CACNA1B: variants seen among roughly 807,000 people sequenced by gnomAD.
CACNA1B encodes the protein voltage-dependent N-type calcium channel subunit alpha-1B.
CACNA1B carries 70 observed loss-of-function variants against 247.2 expected under a neutral mutation model. The observed-to-expected ratio is 0.28, with a 90% confidence interval of 0.23 to 0.35. The LOEUF (loss-of-function observed/expected upper bound fraction) is 0.35. Among genes scored for constraint, CACNA1B ranks in the 10% least tolerant of loss-of-function variants. The pLI is 1.00. For synonymous variants in CACNA1B, 1,231 were observed against 1,294.4 expected (o/e 0.95, Z 1.05); for missense variants, 2,367 against 3,197.4 (o/e 0.74, Z 6.26).
rs1395556596 is a variant in CACNA1B at position 137,971,739 on chromosome 9, C to T, written c.1543+147C>T. On this transcript the variant is annotated intron_variant, in intron 11 of 46. Transcript: ENST00000371372. This position sits in a 1 kb window ranked among gnomAD's most constrained non-coding sequence, Gnocchi z 4.4. ...GTATCCCACAGCCCTAGTCAGCCTC[C>T]AGGAGCCTCTGTGGGGGCCTGGGGT... is the stretch of plus-strand genomic sequence containing the variant. The T allele has an allele frequency of 1.5e-6, 1 of 687,146 alleles. No individual in the cohort carries two copies. Among genetic ancestry groups the T allele is most frequent in the Non-Finnish European group, 2.5e-6 (1 of 407,352 alleles). 42.6% of individuals were successfully genotyped at this position (687,146 alleles called of 1,614,324 possible). A position where few individuals can be genotyped will look rare whatever the true frequency, so the allele number is the denominator to read the frequency against.
chr9:138,056,882 ATCT>A lies in CACNA1B; in HGVS notation c.3969-845_3969-843del, dbSNP rs546792083. Among the ~76,000 whole-genome samples, 230 of 140,956 alleles carry A rather than the reference ATCT, an allele frequency of 1.6e-3. 3 individuals are homozygous for A. Among genetic ancestry groups the A allele is most frequent in the African/African-American group, 5.9e-3 (218 of 37,062 alleles). The allele number at this position is 140,956 out of a possible 152,430, so 92.5% of individuals were successfully genotyped here. A position where few individuals can be genotyped will look rare whatever the true frequency, so the allele number is the denominator to read the frequency against. Reference sequence around the variant, plus strand: ...TCATGTGCTTAATAGCCATTTGTATATCTTCTTTGGAGGAGTGTCTATTCAGAT... The same window carrying A: ...TCATGTGCTTAATAGCCATTTGTATATCTTTGGAGGAGTGTCTATTCAGAT... On this transcript the variant is annotated intron_variant, in intron 26 of 46. Coordinates refer to ENST00000371372, the MANE Select transcript of CACNA1B (RefSeq NM_000718.4).
chr9:138,069,037 G>A (rs935465249), intron 31 of CACNA1B, among the ~76,000 whole-genome samples: 1 of 152,230 alleles, frequency 6.6e-6, no homozygotes, highest in Admixed American at 6.5e-5. Context: ...CAGGTTGGGG[G>A]CCTGAGAGCT....
intron 23 of CACNA1B, among the ~76,000 whole-genome samples, chr9:138,047,721 A>G (rs945725030): frequency 6.6e-6 from 1 of 152,228 alleles, no homozygotes; most frequent in African/African-American, 2.4e-5. Flanking sequence ...TCTTGAACAC[A>G]TGAGCTACAT....
intron 20 of CACNA1B, among the ~76,000 whole-genome samples, chr9:138,028,023 CT>C (rs541594878): frequency 9.9e-3 from 976 of 98,738 alleles, no homozygotes; most frequent in Non-Finnish European, 0.014. Flanking sequence ...CCCCCCCAAC[CT>C]TTTTTTTTTT....
chr9:138,048,541 G>A (rs998086902), intron 23 of CACNA1B, among the ~76,000 whole-genome samples: 4 of 152,182 alleles, frequency 2.6e-5, no homozygotes, highest in East Asian at 1.9e-4. Flanking sequence ...GACCTGGGCC[G>A]TGTCTCCCTA....
intron 20 of CACNA1B, among the ~76,000 whole-genome samples, chr9:138,036,782 G>A (rs1290268412): frequency 1.3e-5 from 2 of 152,168 alleles, no homozygotes; most frequent in Non-Finnish European, 2.9e-5. Context: ...TTTTGCCAAT[G>A]TTGTTTCACT....
rs79383031 is a variant in CACNA1B, at chr9:138,099,174, G to A, written c.5222+2563G>A. ...GCATGTACATGGCTGTGTTGTGTGC[G>A]TGTTTGCACAGTGTGACCACATGTG... On this transcript the variant is annotated intron_variant, in intron 37 of 46. Coordinates refer to ENST00000371372, the MANE Select transcript of CACNA1B (RefSeq NM_000718.4). 2.7e-3 allele frequency among the ~76,000 whole-genome samples: 415 copies of A among 152,338 alleles called. 5 individuals carry two copies. The East Asian group carries it at 0.038, about 14-fold the overall frequency.
Position 137,928,407 on chromosome 9 carries a change from C to G in CACNA1B, c.966+10976C>G, listed in dbSNP as rs141201658. Among the ~76,000 whole-genome samples, 874 of 152,214 alleles carry G rather than the reference C, an allele frequency of 5.7e-3. 13 individuals carry two copies. The highest frequency in any genetic ancestry group is 4.9e-3 in the Non-Finnish European group (336 of 68,012). Reference sequence around the variant, plus strand: ...CCCACCGTGCCTGGCCTATGATTTTCCTTTTTTTGTATTGCCTTTGTCTGG... The same window carrying G: ...CCCACCGTGCCTGGCCTATGATTTTGCTTTTTTTGTATTGCCTTTGTCTGG... On this transcript the variant is annotated intron_variant, in intron 6 of 46. Transcript: ENST00000371372.
In CACNA1B at chr9:138,114,457, C is replaced by T; in HGVS notation, c.5616C>T (p.Asp1872=). ...ACAAGCAGAACAAAACCACCAGAGA[C>T]CAGATGCAGCAGGCTCCTGGAGGCC... ...DFYKQNKTTR[D]QMQQAPGGLS... The change falls in exon 41 of 47, where the codon GAC becomes GAT. Residue 1872 remains aspartate (D), a synonymous_variant. Coordinates refer to ENST00000371372, the MANE Select transcript of CACNA1B (RefSeq NM_000718.4). The T allele has an allele frequency of 1.3e-6, 2 of 1,586,282 alleles. No homozygotes were observed. Among genetic ancestry groups the T allele is most frequent in the Non-Finnish European group, 1.7e-6 (2 of 1,165,318 alleles).
In CACNA1B at chr9:137,919,638, C is replaced by T. The variant is rs1047991834; in HGVS notation, c.966+2207C>T. On this transcript the variant is annotated intron_variant, in intron 6 of 46. Coordinates refer to ENST00000371372, the MANE Select transcript of CACNA1B (RefSeq NM_000718.4). The surrounding 1 kb of genome is among the most constrained non-coding windows in gnomAD (Gnocchi z 4.6). ...AGTGAGAGGGACTTTTGTGGCCCCT[C>T]GGATATACGCTCCTTCAAGCAATGA... Among the ~76,000 whole-genome samples the T allele has an allele frequency of 6.6e-6, 1 of 152,224 alleles. No homozygotes were observed. Among genetic ancestry groups the T allele is most frequent in the African/African-American group, 2.4e-5 (1 of 41,464 alleles).
At chr9:138,114,773 T>A (rs139682896) in intron 41 of CACNA1B, among the ~76,000 whole-genome samples, 1 of 152,098 alleles carries the variant, frequency 6.6e-6, no homozygotes, top group Admixed American at 6.6e-5. Context: ...ATGGTTGTTA[T>A]GGGGTGGAAG....
In CACNA1B at chr9:138,121,435, T is replaced by TTTC; in HGVS notation, c.6490-34_6490-33insTTC. ...GGTTCGGCTTTTTTTTTTTTTTTTT[T>TTTC]ACCTCTGATTTGTTCTGGTCCATTT... On this transcript the variant is annotated intron_variant, in intron 46 of 46. Coordinates refer to ENST00000371372, the MANE Select transcript of CACNA1B (RefSeq NM_000718.4). This position sits in a 1 kb window ranked among gnomAD's most constrained non-coding sequence, Gnocchi z 6.8. The TTTC allele has an allele frequency of 8.0e-7, 1 of 1,249,664 alleles. No individual in the cohort carries two copies. Among genetic ancestry groups the TTTC allele is most frequent in the Non-Finnish European group, 1.1e-6 (1 of 932,184 alleles). 77.4% of individuals were successfully genotyped at this position (1,249,664 alleles called of 1,614,324 possible).
At position 138,052,365 on chromosome 9, in the gene CACNA1B, TC is replaced by T. The variant is rs1460167838; in HGVS notation, c.3807+180del. 6.6e-6 allele frequency among the ~76,000 whole-genome samples: 1 copy of T among 152,114 alleles called. No homozygotes were observed. The highest frequency in any genetic ancestry group is 2.4e-5 in the African/African-American group (1 of 41,396). On this transcript the variant is annotated intron_variant, in intron 25 of 46. Transcript: ENST00000371372. The surrounding 1 kb of genome is among the most constrained non-coding windows in gnomAD (Gnocchi z 5.1). ...CCCCCATTACCCAAGTAGACCTTGTTCCCAGCAGCCTCCTGTGAGAATCCTC... is the reference window on the plus strand; with the variant it reads ...CCCCCATTACCCAAGTAGACCTTGTTCCAGCAGCCTCCTGTGAGAATCCTC...
chr9:138,117,561 G>A (rs1017677552), intron 42 of CACNA1B, among the ~76,000 whole-genome samples: 2 of 152,200 alleles, frequency 1.3e-5, no homozygotes, highest in South Asian at 2.1e-4. Flanking sequence ...AGTCCTGTGT[G>A]GCAAGGACAA....
rs1962160425 is a variant in CACNA1B, at chr9:138,123,236, T to G, written c.*1237T>G. 1 of 152,228 alleles carries G rather than the reference T, an allele frequency of 6.6e-6. No individual in the cohort carries two copies. Among genetic ancestry groups the G allele is most frequent in the Non-Finnish European group, 1.5e-5 (1 of 68,074 alleles). The allele number at this position is 152,228 out of a possible 1,614,324, so 9.4% of individuals were successfully genotyped here. A position where few individuals can be genotyped will look rare whatever the true frequency, so the allele number is the denominator to read the frequency against. ...AGGAGGGAGGAAGCCCCAGCTGGAATGAAACTCAGAGCAAGTGACCGAGGG... is the reference window on the plus strand; with the variant it reads ...AGGAGGGAGGAAGCCCCAGCTGGAAGGAAACTCAGAGCAAGTGACCGAGGG... On this transcript the variant is annotated 3_prime_UTR_variant, in exon 47 of 47. Transcript: ENST00000371372.
In CACNA1B at chr9:138,102,697, G is replaced by A. The variant is rs1311495903; in HGVS notation, c.5223-14G>A. ...ACCCCACTGTGCCCTGGCCTCGCTGGGACGGGTTTCCAGTGGGCGCATCAG... is the reference window on the plus strand; with the variant it reads ...ACCCCACTGTGCCCTGGCCTCGCTGAGACGGGTTTCCAGTGGGCGCATCAG... On this transcript the variant is annotated splice_polypyrimidine_tract_variant and intron_variant, in intron 37 of 46. Coordinates refer to ENST00000371372, the MANE Select transcript of CACNA1B (RefSeq NM_000718.4). The surrounding 1 kb of genome is among the most constrained non-coding windows in gnomAD (Gnocchi z 5.4). 1.2e-5 allele frequency: 19 copies of A among 1,588,216 alleles called. No individual in the cohort carries two copies. The Admixed American group carries it at 1.7e-4, about 14-fold the overall frequency.
intron 20 of CACNA1B, among the ~76,000 whole-genome samples, chr9:138,037,041 A>G (rs954130052): frequency 6.2e-4 from 94 of 152,314 alleles, no homozygotes; most frequent in African/African-American, 2.2e-3. Flanking sequence ...TAATCTGTCT[A>G]AGTCTCTTTT....
At chr9:137,893,246 T>G (rs1957129209) in intron 3 of CACNA1B, among the ~76,000 whole-genome samples, 1 of 151,480 alleles carries the variant, frequency 6.6e-6, no homozygotes, top group Non-Finnish European at 1.5e-5. Flanking sequence ...TTTTTTTTTT[T>G]TTTAAAGCTG....
At chr9:138,047,686 G>A (rs1238903535) in intron 23 of CACNA1B, among the ~76,000 whole-genome samples, 1 of 152,222 alleles carries the variant, frequency 6.6e-6, no homozygotes, top group African/African-American at 2.4e-5. Flanking sequence ...CCAGTGTCGT[G>A]CCTGGGCCTC....
Sources: allele counts gnomAD v4.1 joint callset (sites outside exome capture counted in the v4.1 genomes callset), GRCh38; gene constraint gnomAD v4.1.1; non-coding constraint Gnocchi (gnomAD v3.1); transcripts MANE v1.5; gene names NCBI Gene and HGNC (gene_info 2026-07-23, HGNC 2026-07-21).